Variants in ZNF558 observed in about 807,000 individuals in gnomAD.
ZNF558 encodes the protein zinc finger protein 558.
Under a neutral mutation model 37.6 loss-of-function variants are expected in ZNF558, and 23 were observed. The observed-to-expected ratio is 0.61, with a 90% CI of 0.44 to 0.87. The LOEUF is 0.87. ZNF558 is among the 40% of genes least tolerant of loss of function. The probability of loss-of-function intolerance (pLI) is 0.00; values close to 1 mark genes in which losing one functional copy is unlikely to be tolerated. For missense variants in ZNF558, 429 were observed against 483.7 expected (o/e 0.89, Z 1.06); for synonymous variants, 189 against 174.4 (o/e 1.08, Z -0.66).
intron 2 of ZNF558, among the ~76,000 whole-genome samples, chr19:8,826,564 A>T (rs118132795): frequency 1.4e-4 from 22 of 152,194 alleles, no homozygotes; most frequent in African/African-American, 5.3e-4. Flanking sequence ...CTGATCGGCC[A>T]GGAGGTGGAG....
At chr19:8,829,471 C>G (rs1012823501) in intron 2 of ZNF558, among the ~76,000 whole-genome samples, 1 of 152,194 alleles carries the variant, frequency 6.6e-6, no homozygotes, top group African/African-American at 2.4e-5. Flanking sequence ...AAATATCCTT[C>G]CCAAGAAAGC....
intron 7 of ZNF558, among the ~76,000 whole-genome samples, chr19:8,817,497 T>C (rs1156391147): frequency 4.6e-5 from 7 of 152,112 alleles, no homozygotes; most frequent in African/African-American, 9.7e-5. Flanking sequence ...GGCTAACTTA[T>C]GATGTTCAGT....
rs1582532 is a variant in ZNF558 at position 8,810,810 on chromosome 19, T to C, written c.*471A>G. On this transcript the variant is annotated 3_prime_UTR_variant, in exon 10 of 10. Transcript: ENST00000601372. ...GCTTAGCAGTCCTCCTGAGGATAGG[T>C]CATAAAAGCCATTTTGGCCTCTGTA... 0.27 allele frequency: 41,850 copies of C among 155,516 alleles called. 5,942 individuals carry two copies. Among genetic ancestry groups the C allele is most frequent in the East Asian group, 0.36 (1,847 of 5,194 alleles). The allele number at this position is 155,516 out of a possible 1,614,324, so 9.6% of individuals were successfully genotyped here. A position where few individuals can be genotyped will look rare whatever the true frequency, so the allele number is the denominator to read the frequency against.
intron 9 of ZNF558, 47 bp downstream of exon 9, chr19:8,812,514 G>T: frequency 7.6e-7 from 1 of 1,317,444 alleles, no homozygotes; most frequent in Non-Finnish European, 1.0e-6. Flanking sequence ...TAAACTTAAG[G>T]CATTCTCCTA....
intron 7 of ZNF558, 83 bp from the exon 8 acceptor site, chr19:8,813,305 G>A: frequency 9.3e-7 from 1 of 1,075,302 alleles, no homozygotes; most frequent in South Asian, 1.4e-5. Flanking sequence ...CATTTATGAA[G>A]ATGGAAAAGT....
Position 8,811,783 on chromosome 19 carries a change from T to C in ZNF558, c.707A>G (p.Tyr236Cys), listed in dbSNP as rs1555768163. The C allele has an allele frequency of 2.5e-6, 4 of 1,614,192 alleles. No homozygotes were observed. The highest frequency in any genetic ancestry group is 1.1e-5 in the South Asian group (1 of 91,088). ...AACGTGAAAACACTGGTTACATTCA[T>C]AGGGTTTTTCTCCAGTGTGAATTCT... ...HLRIHTGEKP[Y>C]ECNQCFHVFR... The change falls in exon 10 of 10, where the codon TAT becomes TGT. Residue 236 changes from tyrosine to cysteine, a missense_variant. Physicochemically the swap from Tyr to Cys is radical, Grantham distance 194. Coordinates refer to ENST00000601372, the MANE Select transcript of ZNF558 (RefSeq NM_144693.3).
intron 7 of ZNF558, 66 bp downstream of exon 7, chr19:8,821,114 T>C (rs1442376847): frequency 1.9e-6 from 3 of 1,566,948 alleles, no homozygotes; most frequent in Non-Finnish European, 2.6e-6. Context: ...ATAAAAAAAG[T>C]AAGCAAAGCA....
At chr19:8,837,692 G>A in the ZNF558 span, among the ~76,000 whole-genome samples, 1 of 152,134 alleles carries the variant, frequency 6.6e-6, no homozygotes, top group Admixed American at 6.5e-5. Context: ...TTCCCACAGA[G>A]TACCTGAGAT....
chr19:8,826,568 G>A (rs1429744413), intron 2 of ZNF558, among the ~76,000 whole-genome samples: 1 of 152,088 alleles, frequency 6.6e-6, no homozygotes, highest in Non-Finnish European at 1.5e-5. Flanking sequence ...TCGGCCAGGA[G>A]GTGGAGCTCA....
At position 8,822,256 on chromosome 19, in the gene ZNF558, AAC is replaced by A. The variant is rs1262446620; in HGVS notation, c.32-167_32-166del. On this transcript the variant is annotated intron_variant, in intron 5 of 9. Coordinates refer to ENST00000601372, the MANE Select transcript of ZNF558 (RefSeq NM_144693.3). The surrounding 1 kb of genome is among the most constrained non-coding windows in gnomAD (Gnocchi z 4.4). The stretch of plus-strand genomic sequence containing the variant: ...ACCCACAGCTCTCCTAAGATACCCA[AAC>A]ACAGCCCTGTCTCACCAACCAAAGA... Among the ~76,000 whole-genome samples the A allele has an allele frequency of 1.3e-5, 2 of 152,104 alleles. No individual in the cohort carries two copies. The highest frequency in any genetic ancestry group is 4.8e-5 in the African/African-American group (2 of 41,404).
chr19:8,810,937 C>T lies in ZNF558; in HGVS notation c.*344G>A, dbSNP rs190935602. 1 of 199,672 alleles carries T rather than the reference C, an allele frequency of 5.0e-6. No homozygotes were observed. Among genetic ancestry groups the T allele is most frequent in the African/African-American group, 2.3e-5 (1 of 42,616 alleles). The allele number at this position is 199,672 out of a possible 1,614,324, so 12.4% of individuals were successfully genotyped here. The stretch of plus-strand genomic sequence containing the variant: ...CCTACATGGTAATGACTGAAGGTCC[C>T]CTGACAACAACCAACATCAACTTTC... On this transcript the variant is annotated 3_prime_UTR_variant, in exon 10 of 10. Coordinates refer to ENST00000601372, the MANE Select transcript of ZNF558 (RefSeq NM_144693.3).
chr19:8,831,590 G>A (rs1028993647), intron 1 of ZNF558, among the ~76,000 whole-genome samples, 189 bp from the exon 2 acceptor site: 1 of 152,202 alleles, frequency 6.6e-6, no homozygotes, highest in Non-Finnish European at 1.5e-5. Context: ...CATCTGCTCC[G>A]TAAGAGGGGA....
intron 9 of ZNF558, among the ~76,000 whole-genome samples, 176 bp downstream of exon 9, chr19:8,812,385 G>A (rs528946947): frequency 1.3e-5 from 2 of 152,178 alleles, no homozygotes; most frequent in African/African-American, 2.4e-5. Context: ...TAAGTTTGGA[G>A]CTAACTCACA....
At chr19:8,834,389 C>T (rs1271651749), upstream of ZNF558, among the ~76,000 whole-genome samples, 4 of 152,114 alleles carry the variant, frequency 2.6e-5, no homozygotes, top group African/African-American at 9.7e-5. Flanking sequence ...GCAGGCAGAT[C>T]ACGAGGTCAA....
At chr19:8,835,984 T>A (rs2044451206), upstream of ZNF558, among the ~76,000 whole-genome samples, 1 of 152,128 alleles carries the variant, frequency 6.6e-6, no homozygotes, top group African/African-American at 2.4e-5. Flanking sequence ...GACAATAGAT[T>A]AGTGGCAAAT....
intron 2 of ZNF558, among the ~76,000 whole-genome samples, chr19:8,825,823 G>C (rs1048659804): frequency 6.6e-6 from 1 of 152,168 alleles, no homozygotes; most frequent in Non-Finnish European, 1.5e-5. Context: ...CAAGAAAGGG[G>C]TCTGTGTTCT....
chr19:8,807,029 T>C lies in ZNF558; in HGVS notation c.*4252A>G, dbSNP rs1203726452. On this transcript the variant is annotated 3_prime_UTR_variant, in exon 10 of 10. Transcript: ENST00000601372. ...ATTATTCTTGGTTATTTTAAAGTCT[T>C]TGTCTGCTAACTCCAATACCCAAAT... 6.6e-6 allele frequency: 1 copy of C among 152,234 alleles called. No homozygotes were observed. Among genetic ancestry groups the C allele is most frequent in the Non-Finnish European group, 1.5e-5 (1 of 68,038 alleles). The allele number at this position is 152,234 out of a possible 1,614,324, so 9.4% of individuals were successfully genotyped here. A position where few individuals can be genotyped will look rare whatever the true frequency, so the allele number is the denominator to read the frequency against.
intron 9 of ZNF558, 114 bp downstream of exon 9, chr19:8,812,447 C>G (rs932683617): frequency 3.1e-6 from 2 of 645,080 alleles, no homozygotes; most frequent in Non-Finnish European, 5.0e-6. Flanking sequence ...ACACAGCATT[C>G]TCAATTATAA....
intron 2 of ZNF558, among the ~76,000 whole-genome samples, chr19:8,825,751 T>C (rs1344182043): frequency 1.3e-5 from 2 of 151,960 alleles, no homozygotes; most frequent in African/African-American, 4.8e-5. Context: ...AAAAATCAAG[T>C]TGGAGGGAGT....
Sources: allele counts gnomAD v4.1 joint callset (sites outside exome capture counted in the v4.1 genomes callset), GRCh38; gene constraint gnomAD v4.1.1; non-coding constraint Gnocchi (gnomAD v3.1); transcripts MANE v1.5; gene names NCBI Gene and HGNC (gene_info 2026-07-23, HGNC 2026-07-21).